SFXN1: variants seen among roughly 807,000 people sequenced by gnomAD.
SFXN1 encodes the protein sideroflexin-1.
A neutral mutation model predicts 39.5 loss-of-function variants in SFXN1; 32 were observed. The ratio of observed to expected loss-of-function variants is 0.81; its 90% CI spans 0.61 to 1.09. The LOEUF (loss-of-function observed/expected upper bound fraction) is 1.09, where lower values mean the gene tolerates loss of function less well. SFXN1 is among the 50% of genes least tolerant of loss of function. The pLI is 0.00. For missense variants in SFXN1, 402 were observed against 407.1 expected, an observed-to-expected ratio of 0.99 and a Z score of 0.11; for synonymous variants, 136 against 146.5, an observed-to-expected ratio of 0.93 and a Z score of 0.52.
At chr5:175,526,050 A>G (rs1487974710) in intron 10 of SFXN1, 2 of 152,386 alleles carry the variant, frequency 1.3e-5, no homozygotes, top group African/African-American at 2.4e-5. Context: ...ATACACCCAT[A>G]ATACCTTCAA....
chr5:175,488,531 T>G (rs1759535939), intron 1 of SFXN1, among the ~76,000 whole-genome samples: 1 of 152,212 alleles, frequency 6.6e-6, no homozygotes, highest in South Asian at 2.1e-4. Context: ...ACTCCTGACC[T>G]CAGGTGATCC....
At chr5:175,514,760 GA>G (rs1404413436) in intron 7 of SFXN1, among the ~76,000 whole-genome samples, 2 of 152,164 alleles carry the variant, frequency 1.3e-5, no homozygotes, top group Non-Finnish European at 2.9e-5. Context: ...CAAATTGGGG[GA>G]AAACTGCTAT....
intron 6 of SFXN1, 71 bp downstream of exon 6, chr5:175,512,267 T>C: frequency 2.2e-6 from 3 of 1,357,364 alleles, no homozygotes; most frequent in South Asian, 1.2e-5. Flanking sequence ...ATTAGCTTTG[T>C]TGAAACTTTC....
rs1386548835 is a variant in SFXN1, at chr5:175,522,427, G to A, written c.872+5G>A. 1.2e-6 allele frequency: 2 copies of A among 1,611,580 alleles called. No individual in the cohort carries two copies. The highest frequency in any genetic ancestry group is 1.3e-5 in the African/African-American group (1 of 74,828). On this transcript the variant is annotated splice_donor_5th_base_variant and intron_variant, in intron 10 of 10. Coordinates refer to ENST00000321442, the MANE Select transcript of SFXN1 (RefSeq NM_022754.7). ...TGCCCTGTTTCCTCAGAAAAGGTAT[G>A]TATTTGTTATTCGTCAGAATCATCA...
At chr5:175,483,212 C>T (rs933450314) in intron 1 of SFXN1, among the ~76,000 whole-genome samples, 5 of 152,146 alleles carry the variant, frequency 3.3e-5, no homozygotes, top group African/African-American at 7.2e-5. Flanking sequence ...AATCTGTTCA[C>T]TCAAATGCAG....
chr5:175,489,599 G>A (rs267375), intron 1 of SFXN1, among the ~76,000 whole-genome samples: 98,817 of 152,182 alleles, frequency 0.65, 32,577 homozygotes, highest in African/African-American at 0.73. Flanking sequence ...AGCAAGAAGG[G>A]AGACACTGCA....
At chr5:175,503,412 A>G (rs562416028) in intron 2 of SFXN1, among the ~76,000 whole-genome samples, 2 of 152,220 alleles carry the variant, frequency 1.3e-5, no homozygotes, top group Non-Finnish European at 2.9e-5. Context: ...ATAGCATCCA[A>G]CCTTGTGTTA....
intron 1 of SFXN1, among the ~76,000 whole-genome samples, chr5:175,486,007 A>G (rs1162185432): frequency 6.6e-6 from 1 of 152,170 alleles, no homozygotes; most frequent in East Asian, 1.9e-4. Context: ...TATAATGGAA[A>G]TTCTTAAGAT....
intron 2 of SFXN1, among the ~76,000 whole-genome samples, chr5:175,502,925 C>G (rs374784592): frequency 6.6e-6 from 1 of 152,140 alleles, no homozygotes; most frequent in Admixed American, 6.5e-5. Flanking sequence ...ATATAAACAA[C>G]AGGGTGCTTC....
intron 3 of SFXN1, 143 bp downstream of exon 3, chr5:175,509,345 A>G: frequency 1.4e-6 from 1 of 708,806 alleles, no homozygotes. Flanking sequence ...TGATTGAATC[A>G]TTCCGTAATG....
rs371150883 is a variant in SFXN1, at chr5:175,519,986, CAG to C, written c.775-1932_775-1931del. On this transcript the variant is annotated intron_variant, in intron 8 of 10. Transcript: ENST00000321442. ...CCGGGTTCAAGCAATTCTCCTGCCTCAGCCTCCTGAGTAGCTGGAACTACAGG... is the reference window on the plus strand; with the variant it reads ...CCGGGTTCAAGCAATTCTCCTGCCTCCCTCCTGAGTAGCTGGAACTACAGG... 7.0e-3 allele frequency among the ~76,000 whole-genome samples: 1,050 copies of C among 150,140 alleles called. 15 individuals are homozygous for C. The highest frequency in any genetic ancestry group is 0.025 in the African/African-American group (1,001 of 40,798).
At chr5:175,483,070 C>A (rs1279535127) in intron 1 of SFXN1, among the ~76,000 whole-genome samples, 1 of 152,104 alleles carries the variant, frequency 6.6e-6, no homozygotes, top group Non-Finnish European at 1.5e-5. Context: ...TGGGATGAGG[C>A]TCCATGAAAC....
At chr5:175,500,033 A>G (rs1424885280) in intron 2 of SFXN1, among the ~76,000 whole-genome samples, 1 of 152,180 alleles carries the variant, frequency 6.6e-6, no homozygotes, top group Non-Finnish European at 1.5e-5. Flanking sequence ...TACTAAAAAT[A>G]CAAAATTAGC....
At chr5:175,525,501 T>C (rs1426121177) in intron 10 of SFXN1, among the ~76,000 whole-genome samples, 1 of 152,236 alleles carries the variant, frequency 6.6e-6, no homozygotes, top group African/African-American at 2.4e-5. Context: ...TTTCCTACCT[T>C]TTTTCTATAT....
At chr5:175,494,970 G>A (rs921995958) in intron 2 of SFXN1, among the ~76,000 whole-genome samples, 4 of 152,046 alleles carry the variant, frequency 2.6e-5, no homozygotes, top group African/African-American at 7.2e-5. Context: ...GCAAGAACTC[G>A]AACAGATCCT....
At chr5:175,521,298 A>G (rs1202686689) in intron 8 of SFXN1, among the ~76,000 whole-genome samples, 2 of 152,064 alleles carry the variant, frequency 1.3e-5, no homozygotes, top group African/African-American at 4.8e-5. Flanking sequence ...TATGCCAGAA[A>G]TAGTTTTAAC....
intron 1 of SFXN1, among the ~76,000 whole-genome samples, chr5:175,489,253 T>G (rs984257217): frequency 1.3e-5 from 2 of 152,192 alleles, no homozygotes; most frequent in African/African-American, 4.8e-5. Context: ...TAGGCCAGAT[T>G]ATCTGTCTTA....
chr5:175,527,860 G>A lies in SFXN1; in HGVS notation c.*1126G>A, dbSNP rs985583868. On this transcript the variant is annotated 3_prime_UTR_variant, in exon 11 of 11. Coordinates refer to ENST00000321442, the MANE Select transcript of SFXN1 (RefSeq NM_022754.7). ...AGATGTTTAACGTCATAGACAGTTGGCCCTCTGTATCCGTGAGCTCTATAT... is the reference window on the plus strand; with the variant it reads ...AGATGTTTAACGTCATAGACAGTTGACCCTCTGTATCCGTGAGCTCTATAT... The A allele has an allele frequency of 3.9e-5, 6 of 151,954 alleles. No homozygotes were observed. Among genetic ancestry groups the A allele is most frequent in the Non-Finnish European group, 8.8e-5 (6 of 67,982 alleles). 9.4% of individuals were successfully genotyped at this position (151,954 alleles called of 1,614,324 possible).
Position 175,509,063 on chromosome 5 carries a change from A to G in SFXN1, c.196A>G (p.Asn66Asp). The change falls in exon 3 of 11, where the codon AAT (asparagine) becomes GAT (aspartate). Residue 66 changes from asparagine (N) to aspartate (D), a missense_variant. By Grantham distance (23) the Asn-to-Asp change is conservative. Coordinates refer to ENST00000321442, the MANE Select transcript of SFXN1 (RefSeq NM_022754.7). ...AATTGTTCCTCCTGGTCTTACAGAA[A>G]ATGAATTGTGGAGAGCAAAGTACAT... Reference protein sequence around the residue: ...QGIVPPGLTENELWRAKYIYD... With the variant: ...QGIVPPGLTEDELWRAKYIYD... 1 of 1,610,290 alleles carries G rather than the reference A, an allele frequency of 6.2e-7. No individual in the cohort carries two copies. Among genetic ancestry groups the G allele is most frequent in the Non-Finnish European group, 8.5e-7 (1 of 1,178,692 alleles).
Sources: allele counts gnomAD v4.1 joint callset (sites outside exome capture counted in the v4.1 genomes callset), GRCh38; gene constraint gnomAD v4.1.1; transcripts MANE v1.5; gene names NCBI Gene and HGNC (gene_info 2026-07-23, HGNC 2026-07-21).